Variants in YY1 observed in about 807,000 individuals in gnomAD.
YY1 encodes transcriptional repressor protein YY1.
A neutral mutation model predicts 35.6 loss-of-function variants in YY1; 2 were observed. The observed-to-expected ratio is 0.06, with a 90% CI of 0.02 to 0.18. The LOEUF (loss-of-function observed/expected upper bound fraction) is 0.18. YY1 is among the 10% of genes least tolerant of loss of function. YY1 has a pLI of 1.00. For synonymous variants in YY1, 268 were observed against 238.9 expected (o/e 1.12, Z -1.12); for missense variants, 322 against 573.4 (o/e 0.56, Z 4.48).
At chr14:100,250,003 C>A (rs893368308) in intron 1 of YY1, among the ~76,000 whole-genome samples, 4 of 152,090 alleles carry the variant, frequency 2.6e-5, no homozygotes, top group African/African-American at 9.7e-5. Context: ...GAACTCCCGA[C>A]CTCAGGTGAT....
intron 1 of YY1, among the ~76,000 whole-genome samples, chr14:100,249,820 C>T (rs1372106965): frequency 6.6e-6 from 1 of 150,960 alleles, no homozygotes; most frequent in Non-Finnish European, 1.5e-5. Context: ...GTCGCCCAGA[C>T]TGGAGTGCAG....
At chr14:100,273,635 G>T (rs924152714) in intron 2 of YY1, among the ~76,000 whole-genome samples, 1 of 152,094 alleles carries the variant, frequency 6.6e-6, no homozygotes, top group African/African-American at 2.4e-5. Flanking sequence ...AAAGTGCTGG[G>T]ATTACAGGCG....
intron 1 of YY1, among the ~76,000 whole-genome samples, chr14:100,261,507 G>A (rs1225107361): frequency 6.6e-6 from 1 of 152,164 alleles, no homozygotes; most frequent in Non-Finnish European, 1.5e-5. Context: ...TATTTGTTGA[G>A]GGCCAGCTAT....
intron 1 of YY1, among the ~76,000 whole-genome samples, chr14:100,260,424 AAT>A (rs59427565): frequency 0.038 from 5,407 of 140,950 alleles, 160 homozygotes; most frequent in African/African-American, 0.084. Flanking sequence ...TGAATATATG[AAT>A]ATATATATAT....
intron 2 of YY1, among the ~76,000 whole-genome samples, chr14:100,272,393 G>GT (rs1891254391): frequency 6.6e-6 from 1 of 152,010 alleles, no homozygotes; most frequent in African/African-American, 2.4e-5. Flanking sequence ...ATGGAGATAA[G>GT]TGATAGTTAC....
At chr14:100,243,569 G>C (rs1452313263) in intron 1 of YY1, among the ~76,000 whole-genome samples, 1 of 152,114 alleles carries the variant, frequency 6.6e-6, no homozygotes, top group African/African-American at 2.4e-5. Flanking sequence ...AAGGCAGGAG[G>C]ATCGCTTAAG....
rs1232236395 is a variant in YY1 at position 100,280,919 on chromosome 14, AAAG to A, written c.*3323_*3325del. Reference sequence around the variant, plus strand: ...GGCACAGGAAAACCTGGCCCCCTAAAAAGAAGTTTTGGAATTGGAAGCCTGATA... The same window carrying A: ...GGCACAGGAAAACCTGGCCCCCTAAAAAGTTTTGGAATTGGAAGCCTGATA... On this transcript the variant is annotated 3_prime_UTR_variant, in exon 5 of 5. Coordinates refer to ENST00000262238, the MANE Select transcript of YY1 (RefSeq NM_003403.5). 3 of 152,094 alleles carry A rather than the reference AAAG, an allele frequency of 2.0e-5. No individual in the cohort carries two copies. Among genetic ancestry groups the A allele is most frequent in the Non-Finnish European group, 2.9e-5 (2 of 67,998 alleles). The allele number at this position is 152,094 out of a possible 1,614,324, so 9.4% of individuals were successfully genotyped here.
chr14:100,277,363 C>T lies in YY1; in HGVS notation c.1063-55C>T. The T allele has an allele frequency of 6.2e-7, 1 of 1,606,580 alleles. No individual in the cohort carries two copies. Among genetic ancestry groups the T allele is most frequent in the Non-Finnish European group, 8.5e-7 (1 of 1,173,390 alleles). On this transcript the variant is annotated intron_variant, in intron 4 of 4. Coordinates refer to ENST00000262238, the MANE Select transcript of YY1 (RefSeq NM_003403.5). The surrounding 1 kb of genome is among the most constrained non-coding windows in gnomAD (Gnocchi z 5.6). ...CTAGCAAAGCAGTGAGCTCCTGACT[C>T]CCAGGGTCTGGTCAGAGTTGCTGAG...
chr14:100,260,469 A>ATTTT, intron 1 of YY1, among the ~76,000 whole-genome samples: 1 of 139,106 alleles, frequency 7.2e-6, no homozygotes, highest in Non-Finnish European at 1.5e-5. Context: ...ACATATATGT[A>ATTTT]TTTTTTTTTT....
Position 100,278,790 on chromosome 14 carries a change from C to T in YY1, c.*1190C>T, listed in dbSNP as rs568001738. 4 of 152,360 alleles carry T rather than the reference C, an allele frequency of 2.6e-5. No individual in the cohort carries two copies. Among genetic ancestry groups the T allele is most frequent in the Non-Finnish European group, 5.9e-5 (4 of 68,028 alleles). 9.4% of individuals were successfully genotyped at this position (152,360 alleles called of 1,614,324 possible). ...TGAGTGAAGCATCTGTACCACCGCG[C>T]AGGCTGAGCGCCTGCGCAGGGTAAG... On this transcript the variant is annotated 3_prime_UTR_variant, in exon 5 of 5. Transcript: ENST00000262238.
At chr14:100,243,254 A>C (rs1890778186) in intron 1 of YY1, among the ~76,000 whole-genome samples, 1 of 152,240 alleles carries the variant, frequency 6.6e-6, no homozygotes, top group Non-Finnish European at 1.5e-5. Flanking sequence ...GTATGTGTAC[A>C]TATGGGTTGA....
chr14:100,253,014 G>T (rs1394764946), intron 1 of YY1, among the ~76,000 whole-genome samples: 1 of 152,210 alleles, frequency 6.6e-6, no homozygotes, highest in Non-Finnish European at 1.5e-5. Context: ...CTGCACTCCA[G>T]CCTGGACAAC....
At position 100,279,190 on chromosome 14, in the gene YY1, T is replaced by TA. The variant is rs1263705711; in HGVS notation, c.*1591dup. 1 of 152,256 alleles carries TA rather than the reference T, an allele frequency of 6.6e-6. No individual in the cohort carries two copies. The highest frequency in any genetic ancestry group is 1.5e-5 in the Non-Finnish European group (1 of 68,046). 9.4% of individuals were successfully genotyped at this position (152,256 alleles called of 1,614,324 possible). Reference sequence around the variant, plus strand: ...GAGAATACTTTATAAACTGCCATGATACAGCAAAATCTCATTTATTCAAAG... The same window carrying TA: ...GAGAATACTTTATAAACTGCCATGATAACAGCAAAATCTCATTTATTCAAAG... On this transcript the variant is annotated 3_prime_UTR_variant, in exon 5 of 5. Transcript: ENST00000262238.
intron 1 of YY1, among the ~76,000 whole-genome samples, chr14:100,242,645 C>T (rs993925024): frequency 1.7e-4 from 26 of 152,140 alleles, no homozygotes; most frequent in East Asian, 1.9e-4. Flanking sequence ...GCCTCGGCCT[C>T]CCAAAGTGCT....
At position 100,282,095 on chromosome 14, in the gene YY1, G is replaced by C. The variant is rs1423565915; in HGVS notation, c.*4495G>C. On this transcript the variant is annotated 3_prime_UTR_variant, in exon 5 of 5. Coordinates refer to ENST00000262238, the MANE Select transcript of YY1 (RefSeq NM_003403.5). Reference sequence around the variant, plus strand: ...GCAAAGCAAACCTCCCACAAACTGGGTGCCGTAAGGTGGGAGGTGACACAT... The same window carrying C: ...GCAAAGCAAACCTCCCACAAACTGGCTGCCGTAAGGTGGGAGGTGACACAT... The C allele has an allele frequency of 6.6e-6, 1 of 152,232 alleles. No homozygotes were observed. The highest frequency in any genetic ancestry group is 1.5e-5 in the Non-Finnish European group (1 of 68,042). The allele number at this position is 152,232 out of a possible 1,614,324, so 9.4% of individuals were successfully genotyped here.
chr14:100,269,667 A>G (rs1002929044), intron 2 of YY1, among the ~76,000 whole-genome samples: 4 of 152,200 alleles, frequency 2.6e-5, no homozygotes, highest in African/African-American at 7.2e-5. Flanking sequence ...AAAAGTACCA[A>G]CGTATACTGC....
At position 100,278,484 on chromosome 14, in the gene YY1, C is replaced by T. The variant is rs1202708244; in HGVS notation, c.*884C>T. ...ATCCTAAAGCAAGAATATGGCAGAA[C>T]AAGATCTGTAAGCACAGTCTTATTT... On this transcript the variant is annotated 3_prime_UTR_variant, in exon 5 of 5. Coordinates refer to ENST00000262238, the MANE Select transcript of YY1 (RefSeq NM_003403.5). 6.6e-6 allele frequency: 1 copy of T among 152,594 alleles called. No homozygotes were observed. The highest frequency in any genetic ancestry group is 2.4e-5 in the African/African-American group (1 of 41,456). The allele number at this position is 152,594 out of a possible 1,614,324, so 9.5% of individuals were successfully genotyped here. A position where few individuals can be genotyped will look rare whatever the true frequency, so the allele number is the denominator to read the frequency against.
Position 100,252,853 on chromosome 14 carries a change from C to A in YY1, c.680-9451C>A, listed in dbSNP as rs141823192. 8.4e-3 allele frequency among the ~76,000 whole-genome samples: 1,283 copies of A among 152,018 alleles called. 9 individuals are homozygous for A. The highest frequency in any genetic ancestry group is 0.011 in the Non-Finnish European group (761 of 67,964). On this transcript the variant is annotated intron_variant, in intron 1 of 4. Coordinates refer to ENST00000262238, the MANE Select transcript of YY1 (RefSeq NM_003403.5). ...AGGAGTTCAAGACTAGCCTGGGCAA[C>A]ATAGTGAGACCCCATCTCTACCAGG...
intron 1 of YY1, among the ~76,000 whole-genome samples, chr14:100,256,436 AT>A (rs1454197557): frequency 7.9e-5 from 12 of 152,200 alleles, no homozygotes; most frequent in Non-Finnish European, 1.5e-5. Flanking sequence ...CATCTGATTA[AT>A]TATCTAGCCA....
Sources: gnomAD v4.1 joint callset for allele counts (sites outside exome capture counted in the v4.1 genomes callset) on GRCh38, gnomAD v4.1.1 for gene constraint, Gnocchi (gnomAD v3.1) non-coding constraint, MANE v1.5 for transcripts, NCBI Gene and HGNC (gene_info 2026-07-23, HGNC 2026-07-21) for gene names.